The following NKAIN2 variants were observed in gnomAD, a reference collection of about 807,000 sequenced individuals.
The protein encoded by NKAIN2 is sodium/potassium transporting ATPase interacting 2.
NKAIN2 carries 14 observed loss-of-function variants against 32.6 expected under a neutral mutation model. The ratio of observed to expected loss-of-function variants is 0.43; its 90% CI spans 0.28 to 0.67. NKAIN2 has a LOEUF of 0.67. Ranked by LOEUF, NKAIN2 falls within the 30% of genes least tolerant of loss-of-function variation. The pLI is 0.17. For missense variants in NKAIN2, 198 were observed against 258.3 expected (o/e 0.77, Z 1.60); for synonymous variants, 80 against 87.2 (o/e 0.92, Z 0.46).
intron 1 of NKAIN2, among the ~76,000 whole-genome samples, chr6:124,031,618 C>T (rs1781409031): frequency 2.0e-5 from 3 of 152,240 alleles, no homozygotes; most frequent in South Asian, 2.1e-4. Context: ...TGTCTTTGTT[C>T]TCACTGGTTT....
intron 4 of NKAIN2, among the ~76,000 whole-genome samples, chr6:124,789,474 AG>A (rs2114803216): frequency 6.6e-6 from 1 of 152,204 alleles, no homozygotes; most frequent in South Asian, 2.1e-4. Context: ...ACCTAGACAC[AG>A]CCAGATCCAA....
At chr6:123,994,336 A>G (rs533134041) in intron 1 of NKAIN2, among the ~76,000 whole-genome samples, 1 of 152,076 alleles carries the variant, frequency 6.6e-6, no homozygotes, top group South Asian at 2.1e-4. Flanking sequence ...GAACTTCCTC[A>G]AATATTTACA....
intron 2 of NKAIN2, among the ~76,000 whole-genome samples, chr6:124,303,885 T>C (rs899266810): frequency 6.6e-6 from 1 of 151,950 alleles, no homozygotes; most frequent in Non-Finnish European, 1.5e-5. Context: ...TAGAGATGAG[T>C]GAATCTGAAT....
chr6:124,121,255 A>G (rs1004056679), intron 1 of NKAIN2, among the ~76,000 whole-genome samples: 2 of 152,060 alleles, frequency 1.3e-5, no homozygotes, highest in African/African-American at 4.8e-5. Context: ...GAGTGTTGAG[A>G]CGATTTTCAG....
intron 3 of NKAIN2, among the ~76,000 whole-genome samples, chr6:124,612,491 A>G (rs768997760): frequency 6.6e-6 from 1 of 152,202 alleles, no homozygotes; most frequent in Non-Finnish European, 1.5e-5. Flanking sequence ...TGAAGAATAC[A>G]GGGGAACTCT....
chr6:124,789,367 T>G (rs1195225669), intron 4 of NKAIN2, among the ~76,000 whole-genome samples: 1 of 152,034 alleles, frequency 6.6e-6, no homozygotes, highest in Non-Finnish European at 1.5e-5. Flanking sequence ...TTGATAAACC[T>G]GTAACATTTA....
chr6:124,615,951 G>A (rs1003684652), intron 3 of NKAIN2, among the ~76,000 whole-genome samples: 3 of 151,926 alleles, frequency 2.0e-5, no homozygotes, highest in African/African-American at 7.3e-5. Context: ...CTACTACTCT[G>A]CTAAAATTTT....
chr6:124,113,219 C>T (rs1785464452), intron 1 of NKAIN2, among the ~76,000 whole-genome samples: 1 of 152,054 alleles, frequency 6.6e-6, no homozygotes, highest in South Asian at 2.1e-4. Flanking sequence ...CTCTTTTCCT[C>T]CCACAGGAAG....
chr6:124,712,065 G>C (rs963557327), intron 4 of NKAIN2, among the ~76,000 whole-genome samples: 41 of 151,816 alleles, frequency 2.7e-4, no homozygotes, highest in Middle Eastern at 3.4e-3. Context: ...AGGTCTGTTG[G>C]AATACCCTGC....
intron 3 of NKAIN2, among the ~76,000 whole-genome samples, chr6:124,588,249 A>G (rs1317549525): frequency 6.6e-6 from 1 of 152,204 alleles, no homozygotes; most frequent in Admixed American, 6.5e-5. Flanking sequence ...ATGTGTACAC[A>G]TCACTTTAAG....
In NKAIN2 at chr6:124,490,412, G is replaced by GTTTTT. The variant is rs3052658; in HGVS notation, c.273+135079_273+135083dup. The GTTTTT allele has an allele frequency of 4.4e-3, 1,359 of 311,732 alleles. 6 individuals are homozygous for GTTTTT. Among genetic ancestry groups the GTTTTT allele is most frequent in the East Asian group, 9.4e-3 (106 of 11,312 alleles). The allele number at this position is 311,732 out of a possible 1,614,324, so 19.3% of individuals were successfully genotyped here. A position where few individuals can be genotyped will look rare whatever the true frequency, so the allele number is the denominator to read the frequency against. On this transcript the variant is annotated intron_variant, in intron 3 of 6. Coordinates refer to ENST00000368417, the MANE Select transcript of NKAIN2 (RefSeq NM_001040214.3). ...AAACAGACCGTATAGAATCATAGAGGTTTTTTTTTTTTTTTTTTAAGAATT... is the reference window on the plus strand; with the variant it reads ...AAACAGACCGTATAGAATCATAGAGGTTTTTTTTTTTTTTTTTTTTTTTAAGAATT...
At chr6:124,147,996 C>G (rs1393336016) in intron 1 of NKAIN2, among the ~76,000 whole-genome samples, 1 of 152,096 alleles carries the variant, frequency 6.6e-6, no homozygotes, top group Admixed American at 6.6e-5. Flanking sequence ...ACTGCAGTCC[C>G]TCTATATATT....
chr6:124,695,217 A>G (rs1363511942), intron 4 of NKAIN2, among the ~76,000 whole-genome samples: 4 of 151,876 alleles, frequency 2.6e-5, no homozygotes, highest in Admixed American at 1.3e-4. Context: ...TTCAATATGG[A>G]TGATACCTTG....
At chr6:124,067,166 G>A (rs112402799) in intron 1 of NKAIN2, among the ~76,000 whole-genome samples, 277 of 152,204 alleles carry the variant, frequency 1.8e-3, no homozygotes, top group African/African-American at 6.4e-3. Context: ...GTCTGAAGCA[G>A]GCTACAGAAC....
At chr6:123,889,353 T>C (rs1240397334) in intron 1 of NKAIN2, among the ~76,000 whole-genome samples, 1 of 152,098 alleles carries the variant, frequency 6.6e-6, no homozygotes, top group African/African-American at 2.4e-5. Flanking sequence ...TATTTTGCCC[T>C]TTTCTACCCC....
chr6:124,148,750 T>G (rs1324629892), intron 1 of NKAIN2, among the ~76,000 whole-genome samples: 1 of 152,216 alleles, frequency 6.6e-6, no homozygotes, highest in Non-Finnish European at 1.5e-5. Context: ...TCCCAATTTT[T>G]GGCCATCATG....
At chr6:124,334,047 C>G (rs1213828118) in intron 2 of NKAIN2, among the ~76,000 whole-genome samples, 2 of 152,178 alleles carry the variant, frequency 1.3e-5, no homozygotes, top group African/African-American at 4.8e-5. Context: ...TGAGAGCAAG[C>G]TTTCCTGCTA....
chr6:124,290,390 A>AT (rs11444182), intron 2 of NKAIN2, among the ~76,000 whole-genome samples: 51,988 of 151,926 alleles, frequency 0.34, 13,879 homozygotes, highest in African/African-American at 0.75. Flanking sequence ...AAAAAATCAG[A>AT]TTATGTAGTT....
chr6:124,691,972 A>G (rs941299583), intron 4 of NKAIN2, among the ~76,000 whole-genome samples: 1 of 152,228 alleles, frequency 6.6e-6, no homozygotes, highest in African/African-American at 2.4e-5. Flanking sequence ...ATGATCATCA[A>G]ATGATAAAAG....
Sources: gnomAD v4.1 joint callset for allele counts (sites outside exome capture counted in the v4.1 genomes callset) on GRCh38, gnomAD v4.1.1 for gene constraint, MANE v1.5 for transcripts, NCBI Gene and HGNC (gene_info 2026-07-23, HGNC 2026-07-21) for gene names.